NKAIN2: variants seen among roughly 807,000 people sequenced by gnomAD.
The protein encoded by NKAIN2 is sodium/potassium-transporting ATPase subunit beta-1-interacting protein 2.
Under a neutral mutation model 32.6 loss-of-function variants are expected in NKAIN2, and 14 were observed. The observed-to-expected ratio is 0.43, with a 90% CI of 0.28 to 0.67. NKAIN2 has a LOEUF of 0.67. NKAIN2 is among the 30% of genes least tolerant of loss of function. The pLI is 0.17. For missense variants in NKAIN2, 198 were observed against 258.3 expected (o/e 0.77, Z 1.60); for synonymous variants, 80 against 87.2 (o/e 0.92, Z 0.46).
At chr6:124,049,317 TG>T (rs1562328587) in intron 1 of NKAIN2, among the ~76,000 whole-genome samples, 1 of 152,004 alleles carries the variant, frequency 6.6e-6, no homozygotes, top group Non-Finnish European at 1.5e-5. Flanking sequence ...AAACAATGTA[TG>T]GAAACATTCC....
chr6:124,384,628 T>C (rs113941967), intron 3 of NKAIN2, among the ~76,000 whole-genome samples: 81 of 146,628 alleles, frequency 5.5e-4, no homozygotes, highest in African/African-American at 1.4e-3. Context: ...TTGCACACTT[T>C]CTGTTTTTTT....
intron 1 of NKAIN2, among the ~76,000 whole-genome samples, chr6:123,896,211 A>G (rs1268057650): frequency 6.6e-6 from 1 of 152,222 alleles, no homozygotes; most frequent in Admixed American, 6.5e-5. Context: ...TGTATTGCAG[A>G]TACTGAGAGA....
At chr6:124,687,471 C>G (rs1774002995) in intron 4 of NKAIN2, among the ~76,000 whole-genome samples, 1 of 106,538 alleles carries the variant, frequency 9.4e-6, no homozygotes, top group East Asian at 3.2e-4. Flanking sequence ...TATACACATA[C>G]ATGGAATATA....
intron 1 of NKAIN2, among the ~76,000 whole-genome samples, chr6:124,017,703 T>A (rs948058144): frequency 6.6e-6 from 1 of 152,110 alleles, no homozygotes; most frequent in African/African-American, 2.4e-5. Context: ...CACATCCAGG[T>A]CATGCTGATG....
intron 1 of NKAIN2, among the ~76,000 whole-genome samples, chr6:124,032,651 G>A (rs1781454630): frequency 2.0e-5 from 3 of 151,488 alleles, no homozygotes; most frequent in South Asian, 4.2e-4. Context: ...TCACAAGTGG[G>A]GACTACAAAG....
chr6:123,847,572 T>C lies in NKAIN2; in HGVS notation c.54+43318T>C, dbSNP rs1284427967. Among the ~76,000 whole-genome samples the C allele has an allele frequency of 2.0e-5, 3 of 152,152 alleles. No homozygotes were observed. In the East Asian group the frequency reaches 5.8e-4, roughly 29 times the overall value. ...GAACTTGAGTATATTACATAACATT[T>C]GAAGGATTTGTTTCCTTTTCTTTAA... On this transcript the variant is annotated intron_variant, in intron 1 of 6. Coordinates refer to ENST00000368417, the MANE Select transcript of NKAIN2 (RefSeq NM_001040214.3).
chr6:124,771,436 G>A (rs1348447330), intron 4 of NKAIN2, among the ~76,000 whole-genome samples: 1 of 152,090 alleles, frequency 6.6e-6, no homozygotes, highest in Non-Finnish European at 1.5e-5. Context: ...GAAGCTACCT[G>A]AAAATAGGAG....
At chr6:123,832,941 A>G (rs1014517424) in intron 1 of NKAIN2, among the ~76,000 whole-genome samples, 4 of 152,054 alleles carry the variant, frequency 2.6e-5, no homozygotes, top group African/African-American at 9.7e-5. Context: ...ATTCTCTTGA[A>G]ATTTGCTTTT....
At chr6:123,921,617 T>A (rs1406303334) in intron 1 of NKAIN2, among the ~76,000 whole-genome samples, 2 of 152,196 alleles carry the variant, frequency 1.3e-5, no homozygotes, top group African/African-American at 4.8e-5. Context: ...CTGGTCTCTC[T>A]CTTCTACTTG....
intron 6 of NKAIN2, among the ~76,000 whole-genome samples, 175 bp downstream of exon 6, chr6:124,818,643 CTTAT>C (rs1462420127): frequency 1.3e-5 from 2 of 151,800 alleles, no homozygotes; most frequent in African/African-American, 4.8e-5. Flanking sequence ...ATGAATTTTT[CTTAT>C]TTGACTTATA....
intron 3 of NKAIN2, among the ~76,000 whole-genome samples, chr6:124,561,491 A>G (rs971107884): frequency 2.0e-5 from 3 of 152,178 alleles, no homozygotes; most frequent in Non-Finnish European, 4.4e-5. Flanking sequence ...TAAAAACATT[A>G]AATTTGTTTT....
chr6:124,008,439 G>A (rs1305755372), intron 1 of NKAIN2, among the ~76,000 whole-genome samples: 1 of 152,014 alleles, frequency 6.6e-6, no homozygotes, highest in African/African-American at 2.4e-5. Flanking sequence ...AGTTCCATAA[G>A]TATGTGCAAG....
rs115300272 is a variant in NKAIN2, at chr6:124,419,688, T to G, written c.273+64341T>G. On this transcript the variant is annotated intron_variant, in intron 3 of 6. Transcript: ENST00000368417. ...ACAATAGAAGACATAAGATAATATT[T>G]TATTGCAAATAGTAGTCTACATTCC... Among the ~76,000 whole-genome samples the G allele has an allele frequency of 7.7e-3, 1,173 of 152,310 alleles. 15 individuals are homozygous for G. Among genetic ancestry groups the G allele is most frequent in the African/African-American group, 0.027 (1,118 of 41,568 alleles).
intron 4 of NKAIN2, among the ~76,000 whole-genome samples, chr6:124,687,781 C>T (rs934409853): frequency 6.2e-5 from 9 of 144,232 alleles, no homozygotes; most frequent in African/African-American, 2.0e-4. Flanking sequence ...CACACACACA[C>T]ATACTGTTCT....
chr6:124,399,802 G>C (rs898733265), intron 3 of NKAIN2, among the ~76,000 whole-genome samples: 1 of 152,144 alleles, frequency 6.6e-6, no homozygotes, highest in Non-Finnish European at 1.5e-5. Context: ...GACAAATGCT[G>C]GTAGACAAGG....
intron 4 of NKAIN2, among the ~76,000 whole-genome samples, chr6:124,668,096 G>A (rs1312912010): frequency 6.6e-6 from 1 of 152,056 alleles, no homozygotes; most frequent in Non-Finnish European, 1.5e-5. Flanking sequence ...CATTTTGTTA[G>A]ACTCCTATCA....
intron 1 of NKAIN2, among the ~76,000 whole-genome samples, chr6:124,160,884 C>T (rs1305376472): frequency 1.3e-5 from 2 of 152,060 alleles, no homozygotes; most frequent in Non-Finnish European, 2.9e-5. Context: ...CACATGAAAA[C>T]TCCTTTGTTT....
At chr6:123,869,279 A>G (rs1380607847) in intron 1 of NKAIN2, among the ~76,000 whole-genome samples, 1 of 152,192 alleles carries the variant, frequency 6.6e-6, no homozygotes, top group Non-Finnish European at 1.5e-5. Context: ...GTTTGAGATG[A>G]AAAAGTAATC....
rs1474176587 is a variant in NKAIN2, at chr6:124,348,492, T to C, written c.193-6775T>C. On this transcript the variant is annotated intron_variant, in intron 2 of 6. Coordinates refer to ENST00000368417, the MANE Select transcript of NKAIN2 (RefSeq NM_001040214.3). ...TGAGCTGTGGTGGGCTGCACCCAGTTTGAGCTTCCTGGCTGCTTTGTTTAC... is the reference window on the plus strand; with the variant it reads ...TGAGCTGTGGTGGGCTGCACCCAGTCTGAGCTTCCTGGCTGCTTTGTTTAC... Among the ~76,000 whole-genome samples the C allele has an allele frequency of 2.0e-5, 3 of 152,226 alleles. No homozygotes were observed. In the East Asian group the frequency reaches 5.8e-4, roughly 29 times the overall value.
Sources: allele counts gnomAD v4.1 joint callset (sites outside exome capture counted in the v4.1 genomes callset), GRCh38; gene constraint gnomAD v4.1.1; transcripts MANE v1.5; gene names NCBI Gene and HGNC (gene_info 2026-07-23, HGNC 2026-07-21).